The following RUNX1 variants were observed in gnomAD, a reference collection of about 807,000 sequenced individuals.
The protein encoded by RUNX1 is runt-related transcription factor 1.
A neutral mutation model predicts 42.8 loss-of-function variants in RUNX1; 19 were observed. The ratio of observed to expected loss-of-function variants is 0.44; its 90% CI spans 0.31 to 0.65. The LOEUF (loss-of-function observed/expected upper bound fraction) is 0.65, where lower values mean the gene tolerates loss of function less well. RUNX1 is among the 30% of genes least tolerant of loss of function. The pLI is 0.07. For synonymous variants in RUNX1, 271 were observed against 289.4 expected (o/e 0.94, Z 0.64); for missense variants, 528 against 672.0 (o/e 0.79, Z 2.37).
At chr21:34,838,550 T>C (rs114710976) in intron 6 of RUNX1, among the ~76,000 whole-genome samples, 92 of 152,356 alleles carry the variant, frequency 6.0e-4, no homozygotes, top group African/African-American at 1.5e-3. Flanking sequence ...GAATTTTATA[T>C]AGTCAATTTT....
chr21:34,819,297 G>C (rs751085704), intron 7 of RUNX1, among the ~76,000 whole-genome samples: 2 of 152,190 alleles, frequency 1.3e-5, no homozygotes, highest in African/African-American at 4.8e-5. Flanking sequence ...CCCAGAGCTC[G>C]AGCCCCCGGG....
At chr21:34,928,599 T>C (rs1236854035) in intron 2 of RUNX1, among the ~76,000 whole-genome samples, 1 of 151,822 alleles carries the variant, frequency 6.6e-6, no homozygotes. Flanking sequence ...GAGAATCGCT[T>C]GTAACCAGAG....
chr21:34,819,770 C>T (rs991909127), intron 7 of RUNX1, among the ~76,000 whole-genome samples: 9 of 152,228 alleles, frequency 5.9e-5, no homozygotes, highest in Non-Finnish European at 2.9e-5. Flanking sequence ...AGCCTCCCGC[C>T]CCTCCTGGCC....
chr21:34,865,874 G>C (rs1203182426), intron 5 of RUNX1, among the ~76,000 whole-genome samples: 1 of 152,158 alleles, frequency 6.6e-6, no homozygotes, highest in Non-Finnish European at 1.5e-5. Context: ...TGCAGCTCGG[G>C]GTCATTTCTT....
chr21:34,926,154 G>A (rs2058391378), intron 2 of RUNX1, among the ~76,000 whole-genome samples: 1 of 151,864 alleles, frequency 6.6e-6, no homozygotes, highest in Admixed American at 6.6e-5. Flanking sequence ...TTAAAAGTAT[G>A]TATTTTAAAA....
chr21:34,837,340 G>GT (rs532886639), intron 6 of RUNX1, among the ~76,000 whole-genome samples: 74 of 152,154 alleles, frequency 4.9e-4, no homozygotes, highest in Non-Finnish European at 1.1e-3. Context: ...GCTCACAATG[G>GT]TGCTGGAGAG....
Position 34,889,745 on chromosome 21 carries a change from G to A in RUNX1, c.98-2649C>T. On this transcript the variant is annotated intron_variant, in intron 3 of 8. Transcript: ENST00000675419. ...CCGCGGTGCTGCGGGCATTTTCGCG[G>A]AGCTCGGAGGGCCCCGCCCCCGGTC... 3 of 1,166,598 alleles carry A rather than the reference G, an allele frequency of 2.6e-6. No individual in the cohort carries two copies. In the South Asian group the frequency reaches 6.1e-5, roughly 24 times the overall value. The allele number at this position is 1,166,598 out of a possible 1,614,324, so 72.3% of individuals were successfully genotyped here.
At chr21:34,887,955 TAAG>T (rs2146420810) in intron 3 of RUNX1, 2 of 1,065,792 alleles carry the variant, frequency 1.9e-6, no homozygotes, top group Non-Finnish European at 2.3e-6. Flanking sequence ...ACAACAATCA[TAAG>T]AAGGCCCAGT....
At chr21:34,918,724 A>C (rs2058331153) in intron 2 of RUNX1, among the ~76,000 whole-genome samples, 1 of 152,218 alleles carries the variant, frequency 6.6e-6, no homozygotes, top group South Asian at 2.1e-4. Flanking sequence ...CCTGGCCAAC[A>C]TGGGGAAACC....
chr21:35,017,298 T>C (rs1209817250), intron 2 of RUNX1, among the ~76,000 whole-genome samples: 1 of 152,190 alleles, frequency 6.6e-6, no homozygotes, highest in Non-Finnish European at 1.5e-5. Context: ...TTTAAATAAT[T>C]CTCACAACCT....
At chr21:34,896,349 G>A (rs1287137143) in intron 2 of RUNX1, among the ~76,000 whole-genome samples, 5 of 152,074 alleles carry the variant, frequency 3.3e-5, no homozygotes, top group African/African-American at 1.2e-4. Context: ...CAAGGAGATG[G>A]AGCTAGGAAA....
chr21:35,035,189 T>C (rs1325389193), intron 2 of RUNX1, among the ~76,000 whole-genome samples: 1 of 152,252 alleles, frequency 6.6e-6, no homozygotes, highest in Non-Finnish European at 1.5e-5. Flanking sequence ...GCATATTCTA[T>C]GTATTTCTGA....
chr21:34,925,790 T>C lies in RUNX1; in HGVS notation c.59-32827A>G, dbSNP rs140139655. 2.7e-3 allele frequency among the ~76,000 whole-genome samples: 413 copies of C among 152,326 alleles called. 3 individuals carry two copies. The highest frequency in any genetic ancestry group is 9.6e-3 in the African/African-American group (399 of 41,576). ...AAATGATGAAATATTTTAGCATGAT[T>C]ACAGCATGGCTCAGAAAGAGGTTCG... On this transcript the variant is annotated intron_variant, in intron 2 of 8. Coordinates refer to ENST00000675419, the MANE Select transcript of RUNX1 (RefSeq NM_001754.5).
chr21:34,888,902 G>C lies in RUNX1; in HGVS notation c.98-1806C>G, dbSNP rs373775973. 2.2e-4 allele frequency among the ~76,000 whole-genome samples: 33 copies of C among 151,752 alleles called. No individual in the cohort carries two copies. In the East Asian group the frequency reaches 5.4e-3, roughly 25 times the overall value. ...CTACTGTACGCAGCCCGGGCGGGGA[G>C]TCGGAGGCCACCCCCGCGCCCCGCA... On this transcript the variant is annotated intron_variant, in intron 3 of 8. Transcript: ENST00000675419.
chr21:34,791,479 A>G lies in RUNX1; in HGVS notation c.*656T>C, dbSNP rs1201646931. The G allele has an allele frequency of 8.6e-6, 2 of 232,564 alleles. No individual in the cohort carries two copies. The highest frequency in any genetic ancestry group is 4.4e-5 in the African/African-American group (2 of 45,278). 14.4% of individuals were successfully genotyped at this position (232,564 alleles called of 1,614,324 possible). ...AAAAAAAACAACTACCCAAAAGTCC[A>G]AAAGAAAAGTTAAATAAAACTTAAA... On this transcript the variant is annotated 3_prime_UTR_variant, in exon 9 of 9. Transcript: ENST00000675419.
At chr21:35,047,559 ACACTCTCTCTCT>A (rs1323138689) in intron 2 of RUNX1, among the ~76,000 whole-genome samples, 50 of 64,322 alleles carry the variant, frequency 7.8e-4, no homozygotes, top group African/African-American at 3.6e-3. Flanking sequence ...ACACACACAC[ACACTCTCTCTCT>A]CTCTCTCTCT....
At chr21:34,962,176 T>G (rs2058686272) in intron 2 of RUNX1, among the ~76,000 whole-genome samples, 1 of 152,234 alleles carries the variant, frequency 6.6e-6, no homozygotes, top group Non-Finnish European at 1.5e-5. Context: ...TATAAGCATG[T>G]GCCACTGTGC....
At chr21:34,889,634 C>A in intron 3 of RUNX1, 1 of 1,098,146 alleles carries the variant, frequency 9.1e-7, no homozygotes, top group Non-Finnish European at 1.1e-6. Context: ...CCGCTCCTCT[C>A]CCCGCCCCCG....
intron 2 of RUNX1, among the ~76,000 whole-genome samples, chr21:34,909,104 A>G (rs962941385): frequency 1.3e-5 from 2 of 152,194 alleles, no homozygotes; most frequent in Non-Finnish European, 2.9e-5. Context: ...GGATTGTACT[A>G]AAGGCCGCAT....
Sources: gnomAD v4.1 joint callset for allele counts (sites outside exome capture counted in the v4.1 genomes callset) on GRCh38, gnomAD v4.1.1 for gene constraint, MANE v1.5 for transcripts, NCBI Gene and HGNC (gene_info 2026-07-23, HGNC 2026-07-21) for gene names.